OSBPL6: variants seen among roughly 807,000 people sequenced by gnomAD.
OSBPL6 encodes oxysterol binding protein like 6.
A neutral mutation model predicts 125.8 loss-of-function variants in OSBPL6; 49 were observed. That is an observed-to-expected ratio of 0.39 (90% CI 0.31 to 0.49). The LOEUF is 0.49. Ranked by LOEUF, OSBPL6 falls within the 20% of genes least tolerant of loss-of-function variation. The pLI is 0.88. For missense variants in OSBPL6, 986 were observed against 1,135.4 expected (o/e 0.87, Z 1.89); for synonymous variants, 394 against 391.8 (o/e 1.01, Z -0.07).
At chr2:178,325,941 T>A (rs948365663) in intron 4 of OSBPL6, among the ~76,000 whole-genome samples, 6 of 152,136 alleles carry the variant, frequency 3.9e-5, no homozygotes, top group Non-Finnish European at 5.9e-5. Context: ...CACTTAGATC[T>A]TGCTGTAGGA....
intron 1 of OSBPL6, among the ~76,000 whole-genome samples, chr2:178,277,350 C>A (rs1236974894): frequency 6.6e-6 from 1 of 152,180 alleles, no homozygotes; most frequent in East Asian, 1.9e-4. Flanking sequence ...GATCAGTCAT[C>A]TGAATTTTTG....
chr2:178,373,842 T>G, intron 14 of OSBPL6, 48 bp from the exon 15 acceptor site: 1 of 1,605,850 alleles, frequency 6.2e-7, no homozygotes, highest in African/African-American at 1.3e-5. Context: ...GAATAGCTAT[T>G]CTAACAGGGA....
At chr2:178,371,998 A>G in intron 13 of OSBPL6, 128 bp from the exon 14 acceptor site, 1 of 602,150 alleles carries the variant, frequency 1.7e-6, no homozygotes, top group East Asian at 3.0e-5. Context: ...GGTCTGGCTC[A>G]TGATGGCTTC....
chr2:178,360,205 A>T lies in OSBPL6; in HGVS notation c.1154-1477A>T, dbSNP rs567021246. Among the ~76,000 whole-genome samples the T allele has an allele frequency of 3.9e-5, 6 of 152,336 alleles. No individual in the cohort carries two copies. The South Asian group carries it at 1.2e-3, about 32-fold the overall frequency. Reference sequence around the variant, plus strand: ...AGAGAATAAAACAGTGACTACCAGGATGGCAGTGGAGGGGAGATGTAGGTC... The same window carrying T: ...AGAGAATAAAACAGTGACTACCAGGTTGGCAGTGGAGGGGAGATGTAGGTC... On this transcript the variant is annotated intron_variant, in intron 12 of 24. Coordinates refer to ENST00000190611, the MANE Select transcript of OSBPL6 (RefSeq NM_032523.4).
At position 178,297,365 on chromosome 2, in the gene OSBPL6, A is replaced by C. The variant is rs1292743312; in HGVS notation, c.-155-8665A>C. Among the ~76,000 whole-genome samples the C allele has an allele frequency of 2.6e-5, 4 of 152,214 alleles. No individual in the cohort carries two copies. In the East Asian group the frequency reaches 7.7e-4, roughly 29 times the overall value. ...CTAATCCCAACACTTTGGGAGGCTG[A>C]AGTGAGAGGATTGCTTGAGTCCAGG... On this transcript the variant is annotated intron_variant, in intron 2 of 24. Coordinates refer to ENST00000190611, the MANE Select transcript of OSBPL6 (RefSeq NM_032523.4).
In OSBPL6 at chr2:178,383,054, T is replaced by C. The variant is rs1694623412; in HGVS notation, c.1652T>C (p.Phe551Ser). 1 of 1,614,056 alleles carries C rather than the reference T, an allele frequency of 6.2e-7. No individual in the cohort carries two copies. Reference sequence around the variant, plus strand: ...AATGGGGAGCTTACAGGAGGGGCCTTCCGAAATGGGCGTCGAGCATGCCTG... The same window carrying C: ...AATGGGGAGCTTACAGGAGGGGCCTCCCGAAATGGGCGTCGAGCATGCCTG... Reference protein sequence around the residue: ...ILNGELTGGAFRNGRRACLPA... With the variant: ...ILNGELTGGASRNGRRACLPA... Residue 551 changes from phenylalanine (F) to serine (S), a missense_variant, in exon 17 of 25, where the codon TTC becomes TCC. This residue lies in a region of OSBPL6 where 843 missense variants were observed against 997.3 expected (regional missense o/e 0.85). Transcript: ENST00000190611.
At chr2:178,253,482 G>A (rs918037828) in intron 1 of OSBPL6, among the ~76,000 whole-genome samples, 2 of 152,176 alleles carry the variant, frequency 1.3e-5, no homozygotes, top group East Asian at 1.9e-4. Context: ...ATTAAATTTG[G>A]TATGGGTAAT....
chr2:178,344,184 A>G, intron 11 of OSBPL6: 2 of 1,032,826 alleles, frequency 1.9e-6, no homozygotes, highest in Non-Finnish European at 3.0e-6. Context: ...ACTTCAGTTA[A>G]AAACTCTCCC....
chr2:178,337,867 A>G (rs1689829274), intron 9 of OSBPL6, among the ~76,000 whole-genome samples: 1 of 152,176 alleles, frequency 6.6e-6, no homozygotes, highest in South Asian at 2.1e-4. Flanking sequence ...GGGAGTATGA[A>G]TGTAATATTT....
At chr2:178,369,278 A>G (rs932894107) in intron 13 of OSBPL6, among the ~76,000 whole-genome samples, 2 of 152,196 alleles carry the variant, frequency 1.3e-5, no homozygotes, top group African/African-American at 4.8e-5. Flanking sequence ...CATAGAATGT[A>G]AAAATACCTT....
intron 1 of OSBPL6, among the ~76,000 whole-genome samples, chr2:178,209,563 A>G (rs1371150687): frequency 6.6e-6 from 1 of 150,802 alleles, no homozygotes; most frequent in East Asian, 2.0e-4. Context: ...GTGTCCTCCA[A>G]GTGGCTTTCT....
Position 178,401,296 on chromosome 2 carries a change from C to G in OSBPL6, c.*5737C>G, listed in dbSNP as rs1039956838. The G allele has an allele frequency of 1.3e-5, 2 of 152,208 alleles. No homozygotes were observed. Among genetic ancestry groups the G allele is most frequent in the African/African-American group, 4.8e-5 (2 of 41,448 alleles). 9.4% of individuals were successfully genotyped at this position (152,208 alleles called of 1,614,324 possible). On this transcript the variant is annotated 3_prime_UTR_variant, in exon 25 of 25. Transcript: ENST00000190611. ...CCACCCCAACCCCACTTTTGTGTCACAAACATTTGAAACACCCAGTGCTCA... is the reference window on the plus strand; with the variant it reads ...CCACCCCAACCCCACTTTTGTGTCAGAAACATTTGAAACACCCAGTGCTCA...
In OSBPL6 at chr2:178,349,277, C is replaced by A. The variant is rs1221915765; in HGVS notation, c.1041C>A (p.Asn347Lys). The change falls in exon 12 of 25, where the codon AAC becomes AAA. Residue 347 changes from asparagine to lysine, a missense_variant. Physicochemically the swap from Asn to Lys is moderately conservative, Grantham distance 94. Around this residue, in one of 3 missense-constraint regions of OSBPL6, gnomAD observed 843 missense variants for 997.3 expected, o/e 0.85. Transcript: ENST00000190611. ...TTCGCTTGCATTCCTCCAACCCCAA[C>A]CTTTGTGCAGATATTGAATTTCAGA... is the stretch of plus-strand genomic sequence containing the variant. ...SPVRLHSSNP[N>K]LCADIEFQTP... 16 of 1,614,118 alleles carry A rather than the reference C, an allele frequency of 9.9e-6. No homozygotes were observed. The highest frequency in any genetic ancestry group is 1.4e-5 in the Non-Finnish European group (16 of 1,179,966).
chr2:178,313,904 A>G (rs1328293662), intron 3 of OSBPL6, among the ~76,000 whole-genome samples: 1 of 152,252 alleles, frequency 6.6e-6, no homozygotes, highest in Non-Finnish European at 1.5e-5. Context: ...AGCATCTGTT[A>G]TACAGGAAAC....
chr2:178,224,197 G>A (rs1219643644), intron 1 of OSBPL6, among the ~76,000 whole-genome samples: 2 of 152,196 alleles, frequency 1.3e-5, no homozygotes, highest in East Asian at 1.9e-4. Context: ...AGAGAGAAGG[G>A]ATGTAAGAGA....
intron 1 of OSBPL6, among the ~76,000 whole-genome samples, chr2:178,209,862 G>GA (rs1187159495): frequency 1.8e-3 from 248 of 139,376 alleles, no homozygotes; most frequent in Middle Eastern, 7.5e-3. Flanking sequence ...CTACCATTAA[G>GA]AAAAAAAAAA....
chr2:178,334,600 A>G (rs1574898813), intron 8 of OSBPL6, among the ~76,000 whole-genome samples: 1 of 151,806 alleles, frequency 6.6e-6, no homozygotes, highest in Admixed American at 6.6e-5. Flanking sequence ...GCTCACTGCA[A>G]CCTCCTCAAC....
At chr2:178,267,817 CAAA>C (rs71023437) in intron 1 of OSBPL6, among the ~76,000 whole-genome samples, 30 of 132,940 alleles carry the variant, frequency 2.3e-4, no homozygotes, top group Non-Finnish European at 1.8e-4. Context: ...CAAGTAATTG[CAAA>C]AAAAAAAAAA....
intron 1 of OSBPL6, among the ~76,000 whole-genome samples, chr2:178,225,013 C>CTG (rs386391954): frequency 6.7e-6 from 1 of 150,188 alleles, no homozygotes; most frequent in Non-Finnish European, 1.5e-5. Context: ...TTCTCTCTCT[C>CTG]TCTCTCTCTC....
Sources: allele counts gnomAD v4.1 joint callset (sites outside exome capture counted in the v4.1 genomes callset), GRCh38; gene constraint gnomAD v4.1.1; regional missense constraint gnomAD v4.1.1; transcripts MANE v1.5; gene names NCBI Gene and HGNC (gene_info 2026-07-23, HGNC 2026-07-21).